STK32A: variants seen among roughly 807,000 people sequenced by gnomAD.
The protein encoded by STK32A is serine/threonine kinase 32A.
STK32A carries 41 observed loss-of-function variants against 53.2 expected under a neutral mutation model. The ratio of observed to expected loss-of-function variants is 0.77; its 90% CI spans 0.60 to 1.00. The LOEUF is 1.00. STK32A is among the 50% of genes least tolerant of loss of function. The probability of loss-of-function intolerance (pLI) is 0.00; values close to 1 mark genes in which losing one functional copy is unlikely to be tolerated. For missense variants in STK32A, 458 were observed against 485.8 expected (o/e 0.94, Z 0.54); for synonymous variants, 166 against 162.8 (o/e 1.02, Z -0.15).
intron 2 of STK32A, among the ~76,000 whole-genome samples, chr5:147,256,417 C>A (rs1441331835): frequency 6.6e-6 from 1 of 152,216 alleles, no homozygotes; most frequent in Non-Finnish European, 1.5e-5. Flanking sequence ...GGAAAGGGGA[C>A]AATCTGGAAT....
intron 5 of STK32A, among the ~76,000 whole-genome samples, chr5:147,335,952 A>T (rs1033585705): frequency 6.6e-6 from 1 of 152,208 alleles, no homozygotes; most frequent in African/African-American, 2.4e-5. Flanking sequence ...GACCATTAGT[A>T]AGCTGCACAG....
intron 2 of STK32A, among the ~76,000 whole-genome samples, chr5:147,252,394 A>T (rs1456050517): frequency 1.3e-5 from 2 of 152,202 alleles, no homozygotes; most frequent in Non-Finnish European, 2.9e-5. Flanking sequence ...TTTAAGTCTT[A>T]TGTTCCTAAT....
intron 4 of STK32A, 36 bp from the exon 5 acceptor site, chr5:147,323,862 A>G (rs763948166): frequency 1.9e-6 from 3 of 1,558,692 alleles, no homozygotes; most frequent in South Asian, 2.3e-5. Flanking sequence ...ATGTGTAAAT[A>G]TATTTGATAA....
chr5:147,294,934 CG>C (rs1370287729), intron 4 of STK32A, among the ~76,000 whole-genome samples: 1 of 152,152 alleles, frequency 6.6e-6, no homozygotes, highest in Non-Finnish European at 1.5e-5. Flanking sequence ...CTGCCCGCCT[CG>C]GCCTCCCAAA....
chr5:147,317,203 T>G (rs986880106), intron 4 of STK32A, among the ~76,000 whole-genome samples: 1 of 151,588 alleles, frequency 6.6e-6, no homozygotes, highest in African/African-American at 2.4e-5. Context: ...TAACCACCAA[T>G]TTTTACAAAC....
intron 6 of STK32A, among the ~76,000 whole-genome samples, chr5:147,349,152 G>A (rs1329559263): frequency 6.6e-6 from 1 of 152,234 alleles, no homozygotes; most frequent in African/African-American, 2.4e-5. Flanking sequence ...TTGAAATCAG[G>A]CATTGGTGCC....
In STK32A at chr5:147,370,780, A is replaced by G; in HGVS notation, c.777+10A>G. The G allele has an allele frequency of 6.4e-7, 1 of 1,552,564 alleles. No homozygotes were observed. Among genetic ancestry groups the G allele is most frequent in the Non-Finnish European group, 8.9e-7 (1 of 1,124,864 alleles). ...GTCACTTCTTAAAAAGGTAAGAAGG[A>G]AGACTGCATGTCCAAACGAAGTAAC... On this transcript the variant is annotated intron_variant, in intron 9 of 12. Coordinates refer to ENST00000397936, the MANE Select transcript of STK32A (RefSeq NM_001112724.2).
the STK32A span, among the ~76,000 whole-genome samples, chr5:147,397,279 C>T: frequency 6.6e-6 from 1 of 151,518 alleles, no homozygotes; most frequent in African/African-American, 2.4e-5. Flanking sequence ...TAAGTGTTTG[C>T]CCCTGTGGAG....
intron 4 of STK32A, among the ~76,000 whole-genome samples, chr5:147,302,078 AC>A (rs1753167777): frequency 6.6e-6 from 1 of 152,090 alleles, no homozygotes; most frequent in Admixed American, 6.6e-5. Flanking sequence ...ACAAAAGAAA[AC>A]ATATTTGCAG....
At chr5:147,372,269 CTTTTTTTT>C (rs71274369) in intron 9 of STK32A, among the ~76,000 whole-genome samples, 3 of 49,332 alleles carry the variant, frequency 6.1e-5, no homozygotes, top group Non-Finnish European at 1.0e-4. Flanking sequence ...TGGGCTTGGC[CTTTTTTTT>C]TTTTTTTTTT....
chr5:147,350,527 A>G (rs1755919176), intron 6 of STK32A, among the ~76,000 whole-genome samples: 1 of 151,454 alleles, frequency 6.6e-6, no homozygotes, highest in African/African-American at 2.4e-5. Flanking sequence ...ACGCCCAGCT[A>G]ATTTTTTATT....
At chr5:147,288,997 G>A (rs1038850744) in intron 4 of STK32A, among the ~76,000 whole-genome samples, 1 of 152,130 alleles carries the variant, frequency 6.6e-6, no homozygotes, top group African/African-American at 2.4e-5. Flanking sequence ...CTTACTTCAT[G>A]AAGTTATGAC....
chr5:147,354,819 T>TTGTAAATA (rs1312689076), intron 7 of STK32A, among the ~76,000 whole-genome samples: 1 of 152,182 alleles, frequency 6.6e-6, no homozygotes, highest in Non-Finnish European at 1.5e-5. Context: ...AAATATATAT[T>TTGTAAATA]TGTAAATATT....
chr5:147,268,443 C>A (rs1754900618), intron 2 of STK32A, among the ~76,000 whole-genome samples: 1 of 150,984 alleles, frequency 6.6e-6, no homozygotes, highest in African/African-American at 2.4e-5. Flanking sequence ...GAACTTGAAT[C>A]TATTTTGGTA....
chr5:147,394,215 A>T, the STK32A span: 1 of 1,314,488 alleles, frequency 7.6e-7, no homozygotes, highest in Non-Finnish European at 1.1e-6. Flanking sequence ...TAATTTTAAG[A>T]GTGCAAGATA....
At chr5:147,274,248 C>T (rs1755159866) in intron 2 of STK32A, among the ~76,000 whole-genome samples, 1 of 152,176 alleles carries the variant, frequency 6.6e-6, no homozygotes, top group African/African-American at 2.4e-5. Context: ...CTCAGAGTTA[C>T]ATCTCCTTTG....
intron 7 of STK32A, among the ~76,000 whole-genome samples, chr5:147,360,450 C>CAAAAAAAAAAAAAAA (rs56690647): frequency 3.7e-5 from 3 of 81,122 alleles, no homozygotes; most frequent in Non-Finnish European, 5.0e-5. Context: ...GATTCTGTCT[C>CAAAAAAAAAAAAAAA]AAAAAAAAAA....
chr5:147,264,699 C>T (rs1754729679), intron 2 of STK32A, among the ~76,000 whole-genome samples: 1 of 152,046 alleles, frequency 6.6e-6, no homozygotes, highest in South Asian at 2.1e-4. Flanking sequence ...TCCCCATCTA[C>T]CACCTTGAAT....
chr5:147,383,769 A>C (rs1490853927), intron 12 of STK32A, 121 bp from the exon 13 acceptor site: 3 of 1,052,458 alleles, frequency 2.9e-6, no homozygotes, highest in African/African-American at 3.4e-5. Context: ...AAGCCTTTTA[A>C]AAGATTTCCT....
Sources: gnomAD v4.1 joint callset for allele counts (sites outside exome capture counted in the v4.1 genomes callset) on GRCh38, gnomAD v4.1.1 for gene constraint, MANE v1.5 for transcripts, NCBI Gene and HGNC (gene_info 2026-07-23, HGNC 2026-07-21) for gene names.